The following MAGI2 variants were observed in gnomAD, a reference collection of about 807,000 sequenced individuals.
MAGI2 encodes the protein membrane associated guanylate kinase, WW and PDZ domain containing 2.
In MAGI2, 35 loss-of-function variants were observed where a neutral mutation model predicts 133.3. The observed-to-expected ratio is 0.26, with a 90% CI of 0.20 to 0.35. The LOEUF is 0.35. Among genes scored for constraint, MAGI2 ranks in the 10% least tolerant of loss-of-function variants. MAGI2 has a pLI of 1.00. For synonymous variants in MAGI2, 729 were observed against 710.6 expected (o/e 1.03, Z -0.41); for missense variants, 1,636 against 1,863.4 (o/e 0.88, Z 2.25).
intron 21 of MAGI2, among the ~76,000 whole-genome samples, chr7:78,034,717 A>G (rs560295022): frequency 9.7e-4 from 147 of 152,108 alleles, no homozygotes; most frequent in South Asian, 1.7e-3. Flanking sequence ...TAGTAGAGAC[A>G]GGGTTTCACC....
chr7:78,634,456 T>G (rs754774415), intron 2 of MAGI2, among the ~76,000 whole-genome samples: 17 of 152,190 alleles, frequency 1.1e-4, no homozygotes, highest in Non-Finnish European at 2.5e-4. Context: ...GTTACGTCAA[T>G]GGGCAAGGCA....
intron 1 of MAGI2, among the ~76,000 whole-genome samples, chr7:79,205,055 T>C (rs1019614472): frequency 7.3e-5 from 11 of 151,414 alleles, no homozygotes; most frequent in African/African-American, 2.7e-4. Context: ...GGTTAGAAAG[T>C]TTATTAAAAA....
intron 2 of MAGI2, among the ~76,000 whole-genome samples, chr7:78,713,421 G>A (rs1014510005): frequency 3.9e-5 from 6 of 152,254 alleles, no homozygotes; most frequent in East Asian, 1.9e-4. Flanking sequence ...AACATGTGGC[G>A]TAAGATGGCA....
intron 7 of MAGI2, among the ~76,000 whole-genome samples, chr7:78,360,387 A>G (rs1792650622): frequency 6.6e-6 from 1 of 152,180 alleles, no homozygotes; most frequent in Non-Finnish European, 1.5e-5. Flanking sequence ...ATGTTAGGGT[A>G]ATTTTGACTC....
intron 21 of MAGI2, among the ~76,000 whole-genome samples, chr7:78,031,475 CT>C (rs1394464113): frequency 6.6e-6 from 1 of 152,200 alleles, no homozygotes; most frequent in African/African-American, 2.4e-5. Flanking sequence ...TCCACCACTA[CT>C]TTGCTTTATA....
chr7:79,149,460 G>A (rs1033482436), intron 1 of MAGI2, among the ~76,000 whole-genome samples: 1 of 151,968 alleles, frequency 6.6e-6, no homozygotes, highest in Admixed American at 6.6e-5. Context: ...TTCTTTCAAA[G>A]GGGATGAACC....
At chr7:78,138,555 C>A (rs1245086012) in intron 16 of MAGI2, among the ~76,000 whole-genome samples, 3 of 151,628 alleles carry the variant, frequency 2.0e-5, no homozygotes, top group African/African-American at 7.3e-5. Context: ...TATGCCTCTG[C>A]TCTCCTCTAT....
In MAGI2 at chr7:78,042,560, C is replaced by T. The variant is rs951518148; in HGVS notation, c.3707-22584G>A. Among the ~76,000 whole-genome samples the T allele has an allele frequency of 3.3e-5, 5 of 152,182 alleles. 1 individual carries two copies. The South Asian group carries it at 1.0e-3, about 32-fold the overall frequency. ...TCTAGTCCTTGATCGTGCTCCCTGA[C>T]CAAGCAGGTCACCTGAAATGCTCTA... On this transcript the variant is annotated intron_variant, in intron 21 of 21. Coordinates refer to ENST00000354212, the MANE Select transcript of MAGI2 (RefSeq NM_012301.4).
intron 16 of MAGI2, among the ~76,000 whole-genome samples, chr7:78,146,208 G>T (rs1823294555): frequency 1.3e-5 from 2 of 152,070 alleles, no homozygotes; most frequent in Admixed American, 1.3e-4. Flanking sequence ...AAATGAGTGG[G>T]TCTGTGTTAT....
At chr7:78,629,112 C>T (rs1268024062) in intron 2 of MAGI2, among the ~76,000 whole-genome samples, 10 of 152,026 alleles carry the variant, frequency 6.6e-5, no homozygotes, top group Admixed American at 1.3e-4. Flanking sequence ...CATGGCTGTA[C>T]CAAATTTTAG....
chr7:79,223,321 A>AT (rs1384251009), intron 1 of MAGI2, among the ~76,000 whole-genome samples: 1 of 151,842 alleles, frequency 6.6e-6, no homozygotes, highest in Admixed American at 6.6e-5. Flanking sequence ...TGAATGCTTG[A>AT]TTTTTTCTTT....
intron 2 of MAGI2, among the ~76,000 whole-genome samples, chr7:78,804,950 C>T (rs1788439261): frequency 6.6e-6 from 1 of 151,340 alleles, no homozygotes; most frequent in Non-Finnish European, 1.5e-5. Context: ...CACCTATAAT[C>T]CCAGCAACTT....
At chr7:79,452,991 C>A (rs901375419) in intron 1 of MAGI2, 29 bp downstream of exon 1, 3 of 1,523,268 alleles carry the variant, frequency 2.0e-6, no homozygotes, top group Non-Finnish European at 2.6e-6. Context: ...CACCGCCCGG[C>A]AAAACACTGA....
At chr7:79,258,694 A>G (rs914215689) in intron 1 of MAGI2, among the ~76,000 whole-genome samples, 2 of 152,170 alleles carry the variant, frequency 1.3e-5, no homozygotes, top group African/African-American at 4.8e-5. Context: ...TCACAGTACT[A>G]TCGTGGCATA....
chr7:78,134,908 C>G, intron 17 of MAGI2, 113 bp downstream of exon 17: 1 of 862,104 alleles, frequency 1.2e-6, no homozygotes, highest in Non-Finnish European at 1.8e-6. Flanking sequence ...CACTCTGACA[C>G]CACAGTGACG....
chr7:78,223,016 G>C (rs952112325), intron 10 of MAGI2, among the ~76,000 whole-genome samples: 2 of 152,116 alleles, frequency 1.3e-5, no homozygotes, highest in Non-Finnish European at 2.9e-5. Flanking sequence ...GTTATGGGGG[G>C]ATACTCTGAA....
chr7:78,907,498 C>T (rs547267731), intron 2 of MAGI2, among the ~76,000 whole-genome samples: 47 of 152,124 alleles, frequency 3.1e-4, no homozygotes, highest in African/African-American at 9.6e-4. Flanking sequence ...TTTCCAAGCT[C>T]GCTAAGTGAA....
At chr7:79,115,805 T>C (rs1819338541) in intron 1 of MAGI2, among the ~76,000 whole-genome samples, 1 of 151,814 alleles carries the variant, frequency 6.6e-6, no homozygotes, top group Non-Finnish European at 1.5e-5. Context: ...GCCATTTTGG[T>C]TATTAAAATT....
At chr7:78,052,551 C>T (rs1038237962) in intron 21 of MAGI2, among the ~76,000 whole-genome samples, 1 of 152,206 alleles carries the variant, frequency 6.6e-6, no homozygotes, top group African/African-American at 2.4e-5. Context: ...AGCAACAAAA[C>T]AAACTAAGAC....
Sources: gnomAD v4.1 joint callset for allele counts (sites outside exome capture counted in the v4.1 genomes callset) on GRCh38, gnomAD v4.1.1 for gene constraint, MANE v1.5 for transcripts, NCBI Gene and HGNC (gene_info 2026-07-23, HGNC 2026-07-21) for gene names.